Variants in LRRC37A2 observed in about 807,000 individuals in gnomAD.
LRRC37A2 encodes the protein leucine-rich repeat-containing protein 37A2.
In LRRC37A2, 9 loss-of-function variants were observed where a neutral mutation model predicts 68.8. That is an observed-to-expected ratio of 0.13 (90% CI 0.08 to 0.23). The LOEUF (loss-of-function observed/expected upper bound fraction) is 0.23, where lower values mean the gene tolerates loss of function less well. LRRC37A2 is among the 10% of genes least tolerant of loss of function. LRRC37A2 has a pLI of 1.00. For missense variants in LRRC37A2, 168 were observed against 950.4 expected, an observed-to-expected ratio of 0.18 and a Z score of 10.82; for synonymous variants, 63 against 367.6, an observed-to-expected ratio of 0.17 and a Z score of 9.48.
the LRRC37A2 span, chr17:46,749,952 T>C: frequency 1.3e-6 from 2 of 1,595,926 alleles, no homozygotes; most frequent in Non-Finnish European, 1.7e-6. Context: ...AAGAAAGGAA[T>C]TGAGGCTGAA....
At chr17:47,001,639 A>ATCCTGCT in the LRRC37A2 span, among the ~76,000 whole-genome samples, 1 of 150,356 alleles carries the variant, frequency 6.7e-6, no homozygotes, top group Non-Finnish European at 1.5e-5. Context: ...CCCCTTGGTG[A>ATCCTGCT]TCCTGCTTCC....
At chr17:46,876,121 G>T in the LRRC37A2 span, 2 of 908,262 alleles carry the variant, frequency 2.2e-6, no homozygotes, top group African/African-American at 1.7e-5. Flanking sequence ...AGGAGCTGGG[G>T]CTGAGACCCT....
chr17:47,001,593 T>C, the LRRC37A2 span, among the ~76,000 whole-genome samples: 1 of 152,044 alleles, frequency 6.6e-6, no homozygotes, highest in Non-Finnish European at 1.5e-5. Flanking sequence ...ATCAAGATAG[T>C]GAAGAAAGCC....
chr17:46,810,974 A>T, the LRRC37A2 span, among the ~76,000 whole-genome samples: 1 of 152,016 alleles, frequency 6.6e-6, no homozygotes, highest in African/African-American at 2.4e-5. Flanking sequence ...CCCTAGATGT[A>T]TGGGTGTGCC....
the LRRC37A2 span, among the ~76,000 whole-genome samples, chr17:46,687,310 T>G: frequency 7.0e-6 from 1 of 143,878 alleles, no homozygotes; most frequent in Non-Finnish European, 1.5e-5. Context: ...CCTTTTTTAT[T>G]CAGTTGTGTA....
the LRRC37A2 span, among the ~76,000 whole-genome samples, chr17:46,878,522 G>A: frequency 6.6e-6 from 1 of 152,184 alleles, no homozygotes. Flanking sequence ...GCTGACCCAA[G>A]CACCTGGCCC....
chr17:46,876,068 G>A, the LRRC37A2 span, among the ~76,000 whole-genome samples: 1 of 152,348 alleles, frequency 6.6e-6, no homozygotes, highest in African/African-American at 2.4e-5. Flanking sequence ...GCTGTGTTCA[G>A]TCGCGTAAGT....
the LRRC37A2 span, among the ~76,000 whole-genome samples, chr17:46,503,432 C>G: frequency 7.0e-6 from 1 of 143,516 alleles, no homozygotes; most frequent in East Asian, 2.1e-4. Flanking sequence ...AGCTTATAAA[C>G]CAGTGACAGA....
chr17:46,902,598 GA>G, the LRRC37A2 span, among the ~76,000 whole-genome samples: 1 of 151,988 alleles, frequency 6.6e-6, no homozygotes, highest in East Asian at 1.9e-4. Context: ...AGTCCAGGGG[GA>G]AAAACAAACA....
chr17:46,489,601 T>G, the LRRC37A2 span, among the ~76,000 whole-genome samples: 64 of 149,052 alleles, frequency 4.3e-4, 1 homozygote, highest in Admixed American at 7.3e-4. Context: ...TTCTCCTGCC[T>G]CAGCCTTTCA....
At chr17:46,939,355 T>C in the LRRC37A2 span, 2 of 1,004,242 alleles carry the variant, frequency 2.0e-6, no homozygotes, top group Non-Finnish European at 2.4e-6. Flanking sequence ...GATGTAGTGC[T>C]ATTGCCGATA....
chr17:46,904,031 G>T, the LRRC37A2 span, among the ~76,000 whole-genome samples: 1 of 150,968 alleles, frequency 6.6e-6, no homozygotes, highest in African/African-American at 2.5e-5. Context: ...TGGGTGGGTG[G>T]ATGGGGGTTA....
chr17:46,908,752 G>A, the LRRC37A2 span, among the ~76,000 whole-genome samples: 15 of 152,122 alleles, frequency 9.9e-5, no homozygotes, highest in Non-Finnish European at 2.1e-4. Context: ...AGGGGCCTCC[G>A]TGCCTCACTC....
At chr17:46,388,421 G>A in the LRRC37A2 span, among the ~76,000 whole-genome samples, 1 of 66,802 alleles carries the variant, frequency 1.5e-5, no homozygotes, top group Non-Finnish European at 4.0e-5. Context: ...AATTAGCCGG[G>A]TGTGGTGGCG....
chr17:46,818,946 G>A, the LRRC37A2 span, among the ~76,000 whole-genome samples: 1 of 152,194 alleles, frequency 6.6e-6, no homozygotes, highest in Non-Finnish European at 1.5e-5. Context: ...GCTTCGGGGG[G>A]ACGCGGTGGG....
chr17:46,748,367 C>A, the LRRC37A2 span, among the ~76,000 whole-genome samples: 8 of 152,322 alleles, frequency 5.3e-5, no homozygotes, highest in East Asian at 1.5e-3. Flanking sequence ...CTGCCTCGGC[C>A]TCCCACAGCA....
the LRRC37A2 span, among the ~76,000 whole-genome samples, chr17:47,015,006 C>T: frequency 2.3e-4 from 24 of 106,094 alleles, no homozygotes; most frequent in East Asian, 5.3e-4. Flanking sequence ...CCATTTTTAT[C>T]TTTTTTTTTT....
chr17:46,903,548 G>A, the LRRC37A2 span, among the ~76,000 whole-genome samples: 1 of 152,108 alleles, frequency 6.6e-6, no homozygotes, highest in Non-Finnish European at 1.5e-5. Flanking sequence ...AGGGCTTCCA[G>A]GTACTTGTAT....
the LRRC37A2 span, among the ~76,000 whole-genome samples, chr17:46,738,827 C>T: frequency 2.1e-3 from 324 of 152,346 alleles, no homozygotes; most frequent in Middle Eastern, 6.8e-3. Flanking sequence ...TGTGGTTGGG[C>T]GCAGTGGCTT....
Sources: allele counts gnomAD v4.1 joint callset (sites outside exome capture counted in the v4.1 genomes callset), GRCh38; gene constraint gnomAD v4.1.1; transcripts MANE v1.5; gene names NCBI Gene and HGNC (gene_info 2026-07-23, HGNC 2026-07-21).